Variants in CCP110 observed in about 807,000 individuals in gnomAD.
CCP110 encodes the protein centriolar coiled-coil protein 110, also known as centriolar coiled-coil protein of 110 kDa.
Under a neutral mutation model 105.5 loss-of-function variants are expected in CCP110, and 43 were observed. The ratio of observed to expected loss-of-function variants is 0.41; its 90% confidence interval spans 0.32 to 0.53. CCP110 has a LOEUF of 0.53. Among genes scored for constraint, CCP110 ranks in the 20% least tolerant of loss-of-function variants. CCP110 has a pLI of 0.32. For synonymous variants in CCP110, 353 were observed against 392.1 expected (o/e 0.90, Z 1.18); for missense variants, 1,016 against 1,189.1 (o/e 0.85, Z 2.14).
intron 2 of CCP110, among the ~76,000 whole-genome samples, chr16:19,528,847 A>G (rs1039908845): frequency 6.6e-6 from 1 of 152,156 alleles, no homozygotes; most frequent in African/African-American, 2.4e-5. Flanking sequence ...GCAGTGAGTC[A>G]GGATTGCATC....
At chr16:19,534,896 T>C (rs1394174558) in intron 3 of CCP110, among the ~76,000 whole-genome samples, 2 of 130,764 alleles carry the variant, frequency 1.5e-5, no homozygotes, top group Non-Finnish European at 3.3e-5. Flanking sequence ...TTTTTTTTTT[T>C]CTGAGATGGA....
Position 19,527,889 on chromosome 16 carries a change from A to T in CCP110, c.8A>T (p.Glu3Val), listed in dbSNP as rs1567346712. The change falls in exon 2 of 15, where the codon GAG (glutamate) becomes GTG (valine). Residue 3 changes from glutamate (E) to valine (V), a missense_variant. By Grantham distance (121) the Glu-to-Val change is moderately radical. Transcript: ENST00000381396. ...TAGTGTGACTGTGGGAAGATGGAGGAGTATGAGAAGTTCTGTGAAAAAAGT... is the reference window on the plus strand; with the variant it reads ...TAGTGTGACTGTGGGAAGATGGAGGTGTATGAGAAGTTCTGTGAAAAAAGT... 12 of 1,612,408 alleles carry T rather than the reference A, an allele frequency of 7.4e-6. No homozygotes were observed. The Admixed American group carries it at 1.2e-4, about 16-fold the overall frequency.
intron 5 of CCP110, among the ~76,000 whole-genome samples, chr16:19,541,271 G>GA (rs1014151822): frequency 2.1e-4 from 26 of 121,044 alleles, no homozygotes; most frequent in East Asian, 1.9e-3. Context: ...TCTATAAAAA[G>GA]AAAAAAAAAA....
chr16:19,537,406 C>T lies in CCP110; in HGVS notation c.1737C>T (p.Asn579=), dbSNP rs1249485524. 3.1e-6 allele frequency: 5 copies of T among 1,613,108 alleles called. No homozygotes were observed. In the East Asian group the frequency reaches 6.7e-5, roughly 22 times the overall value. The change falls in exon 4 of 15, where the codon AAC becomes AAT. Residue 579 remains asparagine (N), a synonymous_variant. Transcript: ENST00000381396. ...GTGGAAATGAACAATTTTTGGATAA[C>T]AGTTTTGAGAAAGTTAAACGGAGAC... is the stretch of plus-strand genomic sequence containing the variant.
At chr16:19,551,393 C>T in exon 15 of CCP110, 2 of 744,406 alleles carry the variant, frequency 2.7e-6, no homozygotes. Context: ...ATCATTTGGT[C>T]AGTTTGGTAA....
chr16:19,541,812 G>T (rs1197599721), intron 5 of CCP110, 75 bp from the exon 6 acceptor site: 11 of 762,902 alleles, frequency 1.4e-5, no homozygotes, highest in Non-Finnish European at 2.2e-5. Flanking sequence ...TGTACTTTTG[G>T]CTAAGCCTAA....
intron 2 of CCP110, among the ~76,000 whole-genome samples, chr16:19,529,353 T>C (rs1305793791): frequency 6.6e-6 from 1 of 152,244 alleles, no homozygotes; most frequent in African/African-American, 2.4e-5. Flanking sequence ...TTTTTTGGTA[T>C]AACAGGAGTT....
chr16:19,538,556 C>T (rs1353386935), intron 4 of CCP110, among the ~76,000 whole-genome samples: 4 of 151,508 alleles, frequency 2.6e-5, no homozygotes, highest in African/African-American at 4.9e-5. Context: ...GCGATCCACC[C>T]GCCTCAGCCT....
At chr16:19,530,109 A>G (rs949147311) in intron 2 of CCP110, among the ~76,000 whole-genome samples, 1 of 152,082 alleles carries the variant, frequency 6.6e-6, no homozygotes, top group East Asian at 1.9e-4. Flanking sequence ...AGGTGGGAGG[A>G]TCACCTGAGC....
chr16:19,545,184 C>T (rs762250914), exon 10 of CCP110: 62 of 1,603,788 alleles, frequency 3.9e-5, no homozygotes, highest in East Asian at 2.2e-4. Context: ...TCGAGAAGTT[C>T]GCAAAGAGAA....
chr16:19,529,941 C>T (rs1202205202), intron 2 of CCP110, among the ~76,000 whole-genome samples: 1 of 152,098 alleles, frequency 6.6e-6, no homozygotes, highest in Non-Finnish European at 1.5e-5. Context: ...CCTATAATCC[C>T]AGCACTTTGG....
At chr16:19,524,492 CG>C (rs1193480317) in intron 1 of CCP110, among the ~76,000 whole-genome samples, 1 of 152,264 alleles carries the variant, frequency 6.6e-6, no homozygotes, top group Admixed American at 6.5e-5. Context: ...GAGGCTTCCC[CG>C]GGGTGTGCAT....
chr16:19,525,020 G>A (rs965564994), intron 1 of CCP110: 2 of 152,214 alleles, frequency 1.3e-5, no homozygotes, highest in African/African-American at 2.4e-5. Flanking sequence ...GACGAAACAG[G>A]TGTGGGGATG....
At chr16:19,545,332 G>A (rs1970426439) in intron 10 of CCP110, 122 bp downstream of exon 10, 1 of 539,964 alleles carries the variant, frequency 1.9e-6, no homozygotes, top group Non-Finnish European at 3.3e-6. Context: ...AGTAATTCCT[G>A]GAATTACTAG....
chr16:19,551,199 T>A, exon 15 of CCP110: 3 of 1,605,346 alleles, frequency 1.9e-6, no homozygotes, highest in Non-Finnish European at 2.6e-6. Context: ...TTTTTAGGAG[T>A]ATATGCAGGA....
At chr16:19,534,742 G>A (rs904290922) in intron 3 of CCP110, among the ~76,000 whole-genome samples, 5 of 151,650 alleles carry the variant, frequency 3.3e-5, no homozygotes, top group Middle Eastern at 3.2e-3. Context: ...ATGTCTTATT[G>A]TACTGTGTAT....
intron 14 of CCP110, among the ~76,000 whole-genome samples, chr16:19,550,855 TTGACTA>T (rs2151487012): frequency 6.6e-6 from 1 of 152,346 alleles, no homozygotes; most frequent in East Asian, 1.9e-4. Flanking sequence ...TGTTTTGTGC[TTGACTA>T]GAGTTTATAT....
intron 1 of CCP110, chr16:19,525,862 G>GT (rs1321698744): frequency 6.6e-6 from 1 of 152,556 alleles, no homozygotes; most frequent in African/African-American, 2.4e-5. Context: ...TCAGATAGTG[G>GT]TAAGTGCTAT....
At chr16:19,538,840 G>A (rs530074121) in intron 4 of CCP110, among the ~76,000 whole-genome samples, 1 of 152,126 alleles carries the variant, frequency 6.6e-6, no homozygotes, top group South Asian at 2.1e-4. Context: ...AGGCCGGCGC[G>A]GTTGCTTACG....
Sources: allele counts gnomAD v4.1 joint callset (sites outside exome capture counted in the v4.1 genomes callset), GRCh38; gene constraint gnomAD v4.1.1; transcripts MANE v1.5; gene names NCBI Gene and HGNC (gene_info 2026-07-23, HGNC 2026-07-21).